The following STRADA variants were observed in gnomAD, a reference collection of about 807,000 sequenced individuals.
STRADA encodes STE20-related kinase adapter protein alpha.
STRADA carries 26 observed loss-of-function variants against 55.0 expected under a neutral mutation model. The observed-to-expected ratio is 0.47, with a 90% CI of 0.35 to 0.66. STRADA has a LOEUF of 0.66. Ranked by LOEUF, STRADA falls within the 30% of genes least tolerant of loss-of-function variation. The pLI, the probability that STRADA is intolerant of heterozygous loss-of-function variation, is 0.01. For missense variants in STRADA, 443 were observed against 549.7 expected (o/e 0.81, Z 1.94); for synonymous variants, 197 against 210.9 (o/e 0.93, Z 0.57).
Position 63,703,398 on chromosome 17 carries a change from T to C in STRADA, c.*201A>G, listed in dbSNP as rs1047018467. 1.1e-5 allele frequency: 6 copies of C among 569,530 alleles called. No homozygotes were observed. Among genetic ancestry groups the C allele is most frequent in the African/African-American group, 5.7e-5 (3 of 53,092 alleles). The allele number at this position is 569,530 out of a possible 1,614,324, so 35.3% of individuals were successfully genotyped here. On this transcript the variant is annotated 3_prime_UTR_variant, in exon 13 of 13. Transcript: ENST00000336174. ...CCTCCTGATCCCTGGTTGTTGAGAT[T>C]CCCTTGTGTCTCAAAAGCCTTGGAG...
chr17:63,703,818 G>C (rs2035874292), intron 12 of STRADA, 67 bp from the exon 13 acceptor site: 1 of 1,608,720 alleles, frequency 6.2e-7, no homozygotes, highest in African/African-American at 1.3e-5. Context: ...CATGGGGCAA[G>C]GAACCATGGC....
At chr17:63,712,771 C>T (rs1401439787) in intron 6 of STRADA, among the ~76,000 whole-genome samples, 1 of 151,260 alleles carries the variant, frequency 6.6e-6, no homozygotes, top group Non-Finnish European at 1.5e-5. Flanking sequence ...GAGACCAAGG[C>T]AGGCAGATCA....
At chr17:63,727,365 A>T (rs1430447868) in intron 2 of STRADA, 1 of 152,310 alleles carries the variant, frequency 6.6e-6, no homozygotes, top group African/African-American at 2.4e-5. Context: ...TGGAATCAAG[A>T]TTGTATTTCC....
At chr17:63,711,052 A>G (rs2036467356) in intron 6 of STRADA, 1 of 552,510 alleles carries the variant, frequency 1.8e-6, no homozygotes. Context: ...CCAGATAGGG[A>G]AACTGCCAAC....
chr17:63,721,925 AAAAC>A (rs926717358), intron 4 of STRADA, among the ~76,000 whole-genome samples: 4 of 152,170 alleles, frequency 2.6e-5, no homozygotes, highest in African/African-American at 9.7e-5. Flanking sequence ...TTCATTTAGG[AAAAC>A]AAACAAACAA....
intron 4 of STRADA, chr17:63,714,310 G>C: frequency 1.9e-6 from 1 of 535,386 alleles, no homozygotes; most frequent in Non-Finnish European, 3.5e-6. Context: ...CAAGTGTTAG[G>C]GTTGTCTACA....
intron 3 of STRADA, chr17:63,725,935 G>T (rs2037628380): frequency 6.6e-6 from 1 of 152,154 alleles, no homozygotes. Flanking sequence ...CTCCCAATGT[G>T]CTGGGATTAC....
In STRADA at chr17:63,728,421, GA is replaced by G; in HGVS notation, c.-44-9del. ...AGTTTCAAAAACTTAAACCTAAAAG[GA>G]AAATAGAAACAGGTTGAGTTAGCAA... On this transcript the variant is annotated splice_polypyrimidine_tract_variant and intron_variant, in intron 1 of 12. Transcript: ENST00000336174. 6.6e-7 allele frequency: 1 copy of G among 1,518,132 alleles called. No individual in the cohort carries two copies. The highest frequency in any genetic ancestry group is 1.2e-5 in the South Asian group (1 of 82,634). 94.0% of individuals were successfully genotyped at this position (1,518,132 alleles called of 1,614,324 possible). A position where few individuals can be genotyped will look rare whatever the true frequency, so the allele number is the denominator to read the frequency against.
chr17:63,736,406 T>A (rs1020967402), intron 1 of STRADA, among the ~76,000 whole-genome samples: 9 of 151,668 alleles, frequency 5.9e-5, no homozygotes, highest in Admixed American at 2.0e-4. Flanking sequence ...AGCGGGTGGA[T>A]CATCTGAGGT....
intron 1 of STRADA, among the ~76,000 whole-genome samples, chr17:63,732,794 C>T (rs1031960405): frequency 6.6e-6 from 1 of 151,790 alleles, no homozygotes; most frequent in African/African-American, 2.4e-5. Flanking sequence ...GTTGTCCAGG[C>T]TGGTCTTGAA....
chr17:63,717,791 T>C (rs2037000442), intron 4 of STRADA, among the ~76,000 whole-genome samples: 1 of 152,136 alleles, frequency 6.6e-6, no homozygotes, highest in Non-Finnish European at 1.5e-5. Flanking sequence ...TTTGTATTTT[T>C]AGTAGAGACA....
chr17:63,713,306 C>T (rs2036629951), intron 6 of STRADA, 100 bp downstream of exon 6: 13 of 1,504,690 alleles, frequency 8.6e-6, no homozygotes, highest in East Asian at 2.4e-5. Context: ...CCATAACTTC[C>T]GAACGTTTAG....
chr17:63,719,138 C>T (rs1420972956), intron 4 of STRADA: 1 of 152,246 alleles, frequency 6.6e-6, no homozygotes, highest in East Asian at 1.9e-4. Context: ...TAGGTCAATG[C>T]AGCCAGTTCC....
intron 1 of STRADA, among the ~76,000 whole-genome samples, chr17:63,740,213 T>C (rs1436332026): frequency 7.0e-6 from 1 of 142,538 alleles, no homozygotes; most frequent in East Asian, 2.1e-4. Context: ...TGGACAGACA[T>C]AGAAATAGCT....
At position 63,721,288 on chromosome 17, in the gene STRADA, C is replaced by A. The variant is rs529851718; in HGVS notation, c.123+2010G>T. 3.3e-5 allele frequency among the ~76,000 whole-genome samples: 5 copies of A among 151,784 alleles called. No homozygotes were observed. The South Asian group carries it at 8.3e-4, about 25-fold the overall frequency. On this transcript the variant is annotated intron_variant, in intron 4 of 12. Coordinates refer to ENST00000336174, the MANE Select transcript of STRADA (RefSeq NM_001003787.4). ...TCGGGAGGCTGAGGCAGGAGAATCG[C>A]TTGAACCCGAGAGGTGGAGGTTGCA...
Position 63,714,032 on chromosome 17 carries a change from C to A in STRADA, c.200G>T (p.Gly67Val), listed in dbSNP as rs753976287. ...TATCACAGTGAGCAGCTCGTAACACCCTCCCTCTGGCAGAAAGCTACTCAT... is the reference window on the plus strand; with the variant it reads ...TATCACAGTGAGCAGCTCGTAACACACTCCCTCTGGCAGAAAGCTACTCAT... Reference protein sequence around the residue: ...EVMSSFLPEGGCYELLTVIGK... With the variant: ...EVMSSFLPEGVCYELLTVIGK... The change falls in exon 5 of 13, where the codon GGG becomes GTG. Residue 67 changes from glycine to valine, a missense_variant. Coordinates refer to ENST00000336174, the MANE Select transcript of STRADA (RefSeq NM_001003787.4). 3 of 1,613,948 alleles carry A rather than the reference C, an allele frequency of 1.9e-6. No individual in the cohort carries two copies. In the South Asian group the frequency reaches 3.3e-5, roughly 18 times the overall value.
chr17:63,732,606 G>A (rs561979897), intron 1 of STRADA, among the ~76,000 whole-genome samples: 7 of 152,118 alleles, frequency 4.6e-5, no homozygotes, highest in Non-Finnish European at 8.8e-5. Flanking sequence ...GACCAGTGTG[G>A]GCAACATGGC....
chr17:63,736,369 T>C (rs955620846), intron 1 of STRADA, among the ~76,000 whole-genome samples: 50 of 152,206 alleles, frequency 3.3e-4, no homozygotes, highest in African/African-American at 1.2e-3. Context: ...GGCTCACTCC[T>C]GTAATCCCAG....
chr17:63,723,312 C>T lies in STRADA; in HGVS notation c.109G>A (p.Asp37Asn). The T allele has an allele frequency of 6.2e-7, 1 of 1,614,170 alleles. No individual in the cohort carries two copies. Among genetic ancestry groups the T allele is most frequent in the Non-Finnish European group, 8.5e-7 (1 of 1,180,040 alleles). ...AAGCCACTTACTTTTCTCCGAGTGT[C>T]ACCCGGAGGCTGCTCTGGGGTAGAG... is the stretch of plus-strand genomic sequence containing the variant. ...LELFGEQPPG[D>N]TRRKTNDASS... The change falls in exon 4 of 13, where the codon GAC becomes AAC. Residue 37 changes from aspartate to asparagine, a missense_variant. By Grantham distance (23) the Asp-to-Asn change is conservative. Coordinates refer to ENST00000336174, the MANE Select transcript of STRADA (RefSeq NM_001003787.4).
Sources: allele counts gnomAD v4.1 joint callset (sites outside exome capture counted in the v4.1 genomes callset), GRCh38; gene constraint gnomAD v4.1.1; transcripts MANE v1.5; gene names NCBI Gene and HGNC (gene_info 2026-07-23, HGNC 2026-07-21).